Variants in AAK1 observed in about 807,000 individuals in gnomAD.
AAK1 encodes the protein AP2 associated kinase 1.
In AAK1, 37 loss-of-function variants were observed where a neutral mutation model predicts 116.0. The ratio of observed to expected loss-of-function variants is 0.32; its 90% CI spans 0.25 to 0.42. AAK1 has a LOEUF of 0.42. Ranked by LOEUF, AAK1 falls within the 10% of genes least tolerant of loss-of-function variation. AAK1 has a pLI of 1.00. For missense variants in AAK1, 919 were observed against 1,170.6 expected, an observed-to-expected ratio of 0.79 and a Z score of 3.14; for synonymous variants, 458 against 439.9, an observed-to-expected ratio of 1.04 and a Z score of -0.51.
At chr2:69,566,077 G>A (rs1220295939) in intron 2 of AAK1, among the ~76,000 whole-genome samples, 1 of 152,070 alleles carries the variant, frequency 6.6e-6, no homozygotes, top group African/African-American at 2.4e-5. Context: ...ATTCAAGTGG[G>A]AGAGTGTCCT....
At chr2:69,557,312 T>TC (rs1671427073) in intron 2 of AAK1, among the ~76,000 whole-genome samples, 1 of 151,908 alleles carries the variant, frequency 6.6e-6, no homozygotes, top group Non-Finnish European at 1.5e-5. Context: ...TTTTTTTTTT[T>TC]TTTTTTTGAG....
At chr2:69,639,880 C>T (rs550356957) in intron 2 of AAK1, among the ~76,000 whole-genome samples, 43 of 152,168 alleles carry the variant, frequency 2.8e-4, no homozygotes, top group Non-Finnish European at 4.7e-4. Context: ...CTACCCAAAA[C>T]GTCTGTTAAG....
intron 3 of AAK1, among the ~76,000 whole-genome samples, chr2:69,546,039 G>C (rs1216888477): frequency 6.6e-6 from 1 of 151,992 alleles, no homozygotes; most frequent in Non-Finnish European, 1.5e-5. Flanking sequence ...GACGGAAAAA[G>C]TCCTATAAGT....
Position 69,461,652 on chromosome 2 carries a change from T to C in AAK1, c.*14217A>G. 2 of 432,500 alleles carry C rather than the reference T, an allele frequency of 4.6e-6. No individual in the cohort carries two copies. Among genetic ancestry groups the C allele is most frequent in the African/African-American group, 2.1e-5 (1 of 47,944 alleles). 26.8% of individuals were successfully genotyped at this position (432,500 alleles called of 1,614,324 possible). The stretch of plus-strand genomic sequence containing the variant: ...TCTTCTCGCCCAGGCTGGAGTGCAA[T>C]GACACAATCTTGGCTCACTGCAAAG... On this transcript the variant is annotated 3_prime_UTR_variant, in exon 22 of 22. Transcript: ENST00000409085.
At chr2:69,496,114 G>T in intron 16 of AAK1, 34 bp from the exon 17 acceptor site, 1 of 1,495,410 alleles carries the variant, frequency 6.7e-7, no homozygotes. Context: ...GAGGAGTCAG[G>T]AGAGAAAAAA....
At chr2:69,611,870 T>C (rs1674098693) in intron 2 of AAK1, among the ~76,000 whole-genome samples, 1 of 152,218 alleles carries the variant, frequency 6.6e-6, no homozygotes, top group South Asian at 2.1e-4. Context: ...CTGAAGACAT[T>C]ATACTAAGTG....
Position 69,514,638 on chromosome 2 carries a change from G to T in AAK1, c.1609C>A (p.Gln537Lys). ...LMQNFYQQQQ[Q>K]QQQQQQQQQL... ...TGCTGTTGCTGTTGTTGTTGCTGCT[G>T]CTGCTGCTGCTGGTAGAAATTCTGC... The change falls in exon 13 of 22, where the codon CAG becomes AAG. Residue 537 changes from glutamine (Q) to lysine (K), a missense_variant. By Grantham distance (53) the Gln-to-Lys change is moderately conservative (BLOSUM62 1). This residue lies in a region of AAK1 where 214 missense variants were observed against 210.6 expected (regional missense o/e 1.02). Transcript: ENST00000409085. 1 of 1,610,200 alleles carries T rather than the reference G, an allele frequency of 6.2e-7. No homozygotes were observed. Among genetic ancestry groups the T allele is most frequent in the Non-Finnish European group, 8.5e-7 (1 of 1,178,410 alleles).
chr2:69,465,794 G>A lies in AAK1; in HGVS notation c.*10075C>T, dbSNP rs1033306031. ...GATGGTCTGCTGCTTGTACAGAATG[G>A]GACAGGAGGTTAGACTGTTGCACAA... On this transcript the variant is annotated 3_prime_UTR_variant, in exon 22 of 22. Coordinates refer to ENST00000409085, the MANE Select transcript of AAK1 (RefSeq NM_014911.5). 4 of 1,290,666 alleles carry A rather than the reference G, an allele frequency of 3.1e-6. No individual in the cohort carries two copies. The highest frequency in any genetic ancestry group is 4.0e-6 in the Non-Finnish European group (4 of 988,874). 80.0% of individuals were successfully genotyped at this position (1,290,666 alleles called of 1,614,324 possible).
chr2:69,514,797 G>A (rs377262522), intron 12 of AAK1, 48 bp from the exon 13 acceptor site: 73 of 1,495,742 alleles, frequency 4.9e-5, no homozygotes, highest in Non-Finnish European at 6.4e-5. Flanking sequence ...CAGAATAATA[G>A]TCACAAAAGA....
At chr2:69,506,389 G>T (rs1688464191) in intron 15 of AAK1, among the ~76,000 whole-genome samples, 1 of 151,920 alleles carries the variant, frequency 6.6e-6, no homozygotes, top group Non-Finnish European at 1.5e-5. Flanking sequence ...CAACAGACAG[G>T]GTCTCACTCT....
chr2:69,610,801 A>AAAC (rs1456950678), intron 2 of AAK1, among the ~76,000 whole-genome samples: 2 of 152,236 alleles, frequency 1.3e-5, no homozygotes, highest in African/African-American at 4.8e-5. Context: ...AATGTAAATC[A>AAAC]AACAACAACG....
chr2:69,584,336 G>A (rs1243885270), intron 2 of AAK1, among the ~76,000 whole-genome samples: 11 of 152,182 alleles, frequency 7.2e-5, no homozygotes, highest in Non-Finnish European at 1.3e-4. Context: ...CCGAGACTCT[G>A]GGTTGATGAG....
Position 69,473,105 on chromosome 2 carries a change from G to T in AAK1, c.*2764C>A. ...AAAGACCATCTAGTCCAAACCCATC[G>T]TATAACTCTAAGGAACAGCAACTCT... On this transcript the variant is annotated 3_prime_UTR_variant, in exon 22 of 22. Transcript: ENST00000409085. 1.1e-6 allele frequency: 1 copy of T among 895,586 alleles called. No homozygotes were observed. Among genetic ancestry groups the T allele is most frequent in the Non-Finnish European group, 1.3e-6 (1 of 747,930 alleles). 55.5% of individuals were successfully genotyped at this position (895,586 alleles called of 1,614,324 possible).
At chr2:69,578,210 G>A (rs1163838730) in intron 2 of AAK1, among the ~76,000 whole-genome samples, 2 of 152,210 alleles carry the variant, frequency 1.3e-5, no homozygotes, top group Non-Finnish European at 2.9e-5. Context: ...GTAAGAAGAC[G>A]TGATGGGAGT....
In AAK1 at chr2:69,489,620, C is replaced by T. The variant is rs115792629; in HGVS notation, c.2365+6365G>A. Reference sequence around the variant, plus strand: ...ACCAGCCCCACCAAAAAAGAGGACACGGCCACTCCAGCCTTGTGGCTTTGG... The same window carrying T: ...ACCAGCCCCACCAAAAAAGAGGACATGGCCACTCCAGCCTTGTGGCTTTGG... On this transcript the variant is annotated intron_variant, in intron 17 of 21. Transcript: ENST00000409085. Among the ~76,000 whole-genome samples the T allele has an allele frequency of 1.1e-3, 172 of 152,232 alleles. 1 individual carries two copies. The highest frequency in any genetic ancestry group is 4.0e-3 in the African/African-American group (165 of 41,546).
chr2:69,635,033 C>T (rs1357577668), intron 2 of AAK1, among the ~76,000 whole-genome samples: 1 of 152,110 alleles, frequency 6.6e-6, no homozygotes, highest in Non-Finnish European at 1.5e-5. Flanking sequence ...AGGCAACCCA[C>T]AGAATGTGAG....
intron 5 of AAK1, among the ~76,000 whole-genome samples, chr2:69,542,010 T>C (rs1165754687): frequency 3.9e-5 from 6 of 152,224 alleles, no homozygotes; most frequent in African/African-American, 1.4e-4. Context: ...CGTAGTAGAG[T>C]ACATGGCACG....
At chr2:69,554,182 A>G (rs1275649043) in intron 3 of AAK1, among the ~76,000 whole-genome samples, 2 of 152,198 alleles carry the variant, frequency 1.3e-5, no homozygotes, top group Non-Finnish European at 2.9e-5. Context: ...GGAAATGTCC[A>G]GGAAATTCCA....
chr2:69,545,606 A>G (rs1670890734), intron 3 of AAK1, among the ~76,000 whole-genome samples: 1 of 152,218 alleles, frequency 6.6e-6, no homozygotes, highest in South Asian at 2.1e-4. Context: ...ATAACAAAAC[A>G]AGAGAAAACC....
Sources: gnomAD v4.1 joint callset for allele counts (sites outside exome capture counted in the v4.1 genomes callset) on GRCh38, gnomAD v4.1.1 for gene constraint, gnomAD v4.1.1 regional missense constraint, MANE v1.5 for transcripts, NCBI Gene and HGNC (gene_info 2026-07-23, HGNC 2026-07-21) for gene names.